Variants in ZMAT4 observed in about 807,000 individuals in gnomAD.
The protein encoded by ZMAT4 is zinc finger matrin-type protein 4.
In ZMAT4, 17 loss-of-function variants were observed where a neutral mutation model predicts 28.7. That is an observed-to-expected ratio of 0.59 (90% CI 0.41 to 0.89). ZMAT4 has a LOEUF of 0.89. Ranked by LOEUF, ZMAT4 falls within the 40% of genes least tolerant of loss-of-function variation. The pLI is 0.00. For synonymous variants in ZMAT4, 117 were observed against 109.2 expected (o/e 1.07, Z -0.44); for missense variants, 240 against 283.8 (o/e 0.85, Z 1.11).
intron 1 of ZMAT4, among the ~76,000 whole-genome samples, chr8:40,827,358 T>C (rs979593070): frequency 2.0e-5 from 3 of 152,244 alleles, no homozygotes; most frequent in South Asian, 2.1e-4. Flanking sequence ...ATATTTTTAA[T>C]AACATCCTGA....
rs551289621 is a variant in ZMAT4, at chr8:40,742,816, G to A, written c.192+24825C>T. Among the ~76,000 whole-genome samples the A allele has an allele frequency of 3.3e-5, 5 of 151,738 alleles. No individual in the cohort carries two copies. In the East Asian group the frequency reaches 9.7e-4, roughly 29 times the overall value. ...ACAAACAGCCGTCTCAAAGTTAGAA[G>A]ACAATTTCACAAACTGGGGAAAAAG... On this transcript the variant is annotated intron_variant, in intron 3 of 6. Transcript: ENST00000297737.
chr8:40,830,560 T>A (rs996352659), intron 1 of ZMAT4, among the ~76,000 whole-genome samples: 7 of 152,250 alleles, frequency 4.6e-5, no homozygotes, highest in Admixed American at 1.3e-4. Context: ...TGTACCAGAT[T>A]TTCTTTATCC....
chr8:40,661,261 G>A (rs965592783), intron 5 of ZMAT4, among the ~76,000 whole-genome samples: 12 of 152,054 alleles, frequency 7.9e-5, no homozygotes, highest in South Asian at 2.1e-4. Context: ...CACTATACCC[G>A]GCTAATTTTT....
At chr8:40,669,052 G>A (rs1808562661) in intron 5 of ZMAT4, among the ~76,000 whole-genome samples, 1 of 152,078 alleles carries the variant, frequency 6.6e-6, no homozygotes, top group Non-Finnish European at 1.5e-5. Flanking sequence ...CTATGGACAG[G>A]ACTGTGGACA....
At chr8:40,544,151 C>T (rs1359861522) in intron 6 of ZMAT4, among the ~76,000 whole-genome samples, 1 of 152,104 alleles carries the variant, frequency 6.6e-6, no homozygotes, top group Non-Finnish European at 1.5e-5. Flanking sequence ...AGTGATTGAG[C>T]TGGGATTTTC....
At chr8:40,597,482 G>A (rs775026423) in intron 5 of ZMAT4, among the ~76,000 whole-genome samples, 3 of 152,150 alleles carry the variant, frequency 2.0e-5, no homozygotes, top group South Asian at 2.1e-4. Flanking sequence ...AGCTCCTTCC[G>A]GGATTCCTTG....
chr8:40,566,003 T>C (rs1585692313), intron 6 of ZMAT4, among the ~76,000 whole-genome samples: 1 of 152,140 alleles, frequency 6.6e-6, no homozygotes, highest in Non-Finnish European at 1.5e-5. Flanking sequence ...TTAGGCGTTT[T>C]AAAAATTACC....
At chr8:40,577,138 G>C (rs1804293475) in intron 6 of ZMAT4, among the ~76,000 whole-genome samples, 1 of 152,088 alleles carries the variant, frequency 6.6e-6, no homozygotes, top group Non-Finnish European at 1.5e-5. Flanking sequence ...AAGTTGCAGT[G>C]AGCCGAGACT....
chr8:40,677,901 A>G (rs983571644), intron 4 of ZMAT4, among the ~76,000 whole-genome samples: 8 of 152,206 alleles, frequency 5.3e-5, no homozygotes, highest in Non-Finnish European at 8.8e-5. Flanking sequence ...GATTCAACCA[A>G]AAGTCAATTA....
chr8:40,564,988 C>A (rs1208597928), intron 6 of ZMAT4, among the ~76,000 whole-genome samples: 2 of 152,152 alleles, frequency 1.3e-5, no homozygotes, highest in Non-Finnish European at 2.9e-5. Context: ...TATCTGTACA[C>A]TGTCTTATTG....
chr8:40,741,615 G>A (rs539921212), intron 3 of ZMAT4, among the ~76,000 whole-genome samples: 4 of 152,262 alleles, frequency 2.6e-5, no homozygotes, highest in Non-Finnish European at 4.4e-5. Context: ...ATGAGGTAAA[G>A]TGGAGACTTT....
At chr8:40,760,706 G>GTCTCTCTCTCTCTCTC (rs56024719) in intron 3 of ZMAT4, among the ~76,000 whole-genome samples, 3 of 142,524 alleles carry the variant, frequency 2.1e-5, no homozygotes, top group African/African-American at 5.3e-5. Context: ...CTCTGTCACA[G>GTCTCTCTCTCTCTCTC]TCTCTCTCTC....
chr8:40,726,978 C>T (rs1811338633), intron 3 of ZMAT4, among the ~76,000 whole-genome samples: 1 of 152,158 alleles, frequency 6.6e-6, no homozygotes, highest in East Asian at 1.9e-4. Context: ...ATGTTAAAAC[C>T]ACCCTAAGTC....
intron 3 of ZMAT4, among the ~76,000 whole-genome samples, chr8:40,764,239 C>T (rs1813053232): frequency 6.7e-6 from 1 of 150,336 alleles, no homozygotes; most frequent in African/African-American, 2.5e-5. Context: ...CTCTGTGGCC[C>T]CAAGGGAAAA....
intron 1 of ZMAT4, among the ~76,000 whole-genome samples, chr8:40,837,208 T>C (rs758067603): frequency 6.6e-6 from 1 of 152,238 alleles, no homozygotes; most frequent in Non-Finnish European, 1.5e-5. Context: ...ATGGACACAG[T>C]TCCAGGCCTG....
intron 2 of ZMAT4, among the ~76,000 whole-genome samples, chr8:40,782,024 T>G (rs1813856177): frequency 6.6e-6 from 1 of 152,144 alleles, no homozygotes; most frequent in African/African-American, 2.4e-5. Flanking sequence ...AAACAATGGC[T>G]TCTTAGATGT....
At chr8:40,661,973 TTTTTG>T (rs1193951947) in intron 5 of ZMAT4, among the ~76,000 whole-genome samples, 2 of 152,044 alleles carry the variant, frequency 1.3e-5, no homozygotes, top group African/African-American at 4.8e-5. Flanking sequence ...CAGGTTAATT[TTTTTG>T]TTTGTTTGTT....
chr8:40,567,193 T>C (rs1425272646), intron 6 of ZMAT4, among the ~76,000 whole-genome samples: 1 of 152,152 alleles, frequency 6.6e-6, no homozygotes, highest in African/African-American at 2.4e-5. Context: ...CCAACATTTC[T>C]GAAAGCGAAC....
intron 5 of ZMAT4, 86 bp from the exon 6 acceptor site, chr8:40,581,347 A>T (rs1315416009): frequency 4.4e-6 from 5 of 1,145,710 alleles, no homozygotes; most frequent in Non-Finnish European, 6.5e-6. Flanking sequence ...GTTCAGGGAC[A>T]CAGTGTCGGA....
Sources: gnomAD v4.1 joint callset for allele counts (sites outside exome capture counted in the v4.1 genomes callset) on GRCh38, gnomAD v4.1.1 for gene constraint, MANE v1.5 for transcripts, NCBI Gene and HGNC (gene_info 2026-07-23, HGNC 2026-07-21) for gene names.